Variants in DIAPH3 observed in about 807,000 individuals in gnomAD.
DIAPH3 encodes diaphanous related formin 3.
DIAPH3 carries 117 observed loss-of-function variants against 144.3 expected under a neutral mutation model. The observed-to-expected ratio is 0.81, with a 90% CI of 0.70 to 0.95. The LOEUF is 0.95. Among genes scored for constraint, DIAPH3 ranks in the 40% least tolerant of loss-of-function variants. DIAPH3 has a pLI of 0.00. For missense variants in DIAPH3, 1,421 were observed against 1,412.7 expected (o/e 1.01, Z -0.09); for synonymous variants, 519 against 488.9 (o/e 1.06, Z -0.81).
chr13:60,150,795 G>T (rs563983225), intron 1 of DIAPH3, among the ~76,000 whole-genome samples: 8 of 152,242 alleles, frequency 5.3e-5, no homozygotes, highest in African/African-American at 1.9e-4. Flanking sequence ...GAGGCCAAAG[G>T]TTCTATTATT....
Position 60,016,165 on chromosome 13 carries a change from C to T in DIAPH3, c.627-20G>A, listed in dbSNP as rs2762134. On this transcript the variant is annotated intron_variant, in intron 5 of 27. Transcript: ENST00000400324. ...ACCCAACTGAAAAACAGAAAAAAGA[C>T]AGTTACACATTGTCAGTAACGCAGC... 0.74 allele frequency: 1,194,700 copies of T among 1,610,224 alleles called. 444,410 individuals are homozygous for T. The highest frequency in any genetic ancestry group is 0.81 in the Admixed American group (48,353 of 59,856).
intron 5 of DIAPH3, among the ~76,000 whole-genome samples, chr13:60,040,226 C>CAAA (rs5803983): frequency 0.034 from 1,165 of 34,612 alleles, 195 homozygotes; most frequent in East Asian, 0.099. Context: ...GACTCCATCT[C>CAAA]AAAAAAAAAA....
chr13:59,910,100 C>G (rs1206533734), intron 20 of DIAPH3, among the ~76,000 whole-genome samples: 1 of 151,628 alleles, frequency 6.6e-6, no homozygotes, highest in African/African-American at 2.4e-5. Context: ...TGCATGGTAT[C>G]AGATTTAATG....
At chr13:60,017,404 CAA>C (rs748877735) in intron 5 of DIAPH3, among the ~76,000 whole-genome samples, 4 of 73,768 alleles carry the variant, frequency 5.4e-5, no homozygotes, top group African/African-American at 5.0e-5. Flanking sequence ...AACTCCATCA[CAA>C]AAAAAAAAAA....
intron 4 of DIAPH3, 33 bp downstream of exon 4, chr13:60,093,595 G>T: frequency 1.4e-6 from 2 of 1,391,546 alleles, no homozygotes; most frequent in South Asian, 2.3e-5. Flanking sequence ...AAACATGTTC[G>T]GCAGTATTTT....
intron 17 of DIAPH3, among the ~76,000 whole-genome samples, chr13:59,928,813 T>C (rs2047877129): frequency 6.6e-6 from 1 of 152,166 alleles, no homozygotes; most frequent in South Asian, 2.1e-4. Flanking sequence ...ACATCAGTCC[T>C]TCATCCCCGG....
chr13:59,978,706 A>G (rs1379645256), intron 14 of DIAPH3, among the ~76,000 whole-genome samples: 1 of 151,682 alleles, frequency 6.6e-6, no homozygotes, highest in Non-Finnish European at 1.5e-5. Flanking sequence ...GCCTTGGGGA[A>G]AAAATGAATC....
intron 8 of DIAPH3, among the ~76,000 whole-genome samples, chr13:60,010,241 C>T (rs147714281): frequency 1.3e-5 from 2 of 151,776 alleles, no homozygotes; most frequent in East Asian, 3.9e-4. Context: ...ATTTTCAAAG[C>T]CTCCATTTAG....
At chr13:60,068,121 T>C (rs1259653523) in intron 4 of DIAPH3, among the ~76,000 whole-genome samples, 3 of 152,238 alleles carry the variant, frequency 2.0e-5, no homozygotes, top group African/African-American at 7.2e-5. Flanking sequence ...CACCATCTCC[T>C]TTTGTTTCCA....
chr13:59,890,627 A>C (rs2045730188), intron 20 of DIAPH3, among the ~76,000 whole-genome samples: 1 of 151,876 alleles, frequency 6.6e-6, no homozygotes, highest in Admixed American at 6.6e-5. Context: ...CATGCTGTCC[A>C]CATACTGCTT....
chr13:60,092,249 T>G (rs928236027), intron 4 of DIAPH3, among the ~76,000 whole-genome samples: 1 of 152,070 alleles, frequency 6.6e-6, no homozygotes, highest in African/African-American at 2.4e-5. Flanking sequence ...ACACCAGAGC[T>G]CTGATTCTTA....
In DIAPH3 at chr13:59,879,367, G is replaced by A. The variant is rs1184690547; in HGVS notation, c.2469C>T (p.Val823=). The A allele has an allele frequency of 1.9e-6, 3 of 1,613,836 alleles. No homozygotes were observed. The highest frequency in any genetic ancestry group is 2.5e-6 in the Non-Finnish European group (3 of 1,179,860). Residue 823 remains valine (V), a synonymous_variant, in exon 21 of 28, where the codon GTC becomes GTT. Transcript: ENST00000400324. ...TCTTTATCTCTTCGCAGGCAGTACT[G>A]ACAGCCATGATGTCAGGTTTGATGT... is the stretch of plus-strand genomic sequence containing the variant. ...VNNIKPDIMA[V]STACEEIKKS...
chr13:59,902,117 G>A (rs1461197162), intron 20 of DIAPH3, among the ~76,000 whole-genome samples: 1 of 152,062 alleles, frequency 6.6e-6, no homozygotes, highest in Admixed American at 6.6e-5. Context: ...ACATTATTTT[G>A]ACTGTTAAAC....
chr13:59,689,605 A>T (rs1002263858), intron 27 of DIAPH3, among the ~76,000 whole-genome samples: 2 of 152,042 alleles, frequency 1.3e-5, no homozygotes, highest in African/African-American at 4.8e-5. Flanking sequence ...AGAAACGAGA[A>T]GACTGCTATT....
At chr13:59,805,334 A>C (rs1453048383) in intron 25 of DIAPH3, among the ~76,000 whole-genome samples, 5 of 152,068 alleles carry the variant, frequency 3.3e-5, no homozygotes, top group African/African-American at 9.6e-5. Context: ...ATTTGTGTCC[A>C]TGATTAAGAA....
chr13:60,099,779 T>G (rs1006870092), intron 3 of DIAPH3, among the ~76,000 whole-genome samples: 3 of 152,090 alleles, frequency 2.0e-5, no homozygotes, highest in Admixed American at 6.6e-5. Flanking sequence ...TGACTAGCAC[T>G]AGGAACAGAT....
chr13:59,991,191 T>C lies in DIAPH3; in HGVS notation c.1328A>G (p.His443Arg). Reference sequence around the variant, plus strand: ...ATAATCATTTCGAATCAGCAAAAGATGCTGAAGAATAGAAATAAAATATCC... The same window carrying C: ...ATAATCATTTCGAATCAGCAAAAGACGCTGAAGAATAGAAATAAAATATCC... ...AEGYFISILQHLLLIRNDYFI... is the reference protein window; with the variant it reads ...AEGYFISILQRLLLIRNDYFI... The change falls in exon 12 of 28, where the codon CAT becomes CGT. Residue 443 changes from histidine (H) to arginine (R), a missense_variant. By Grantham distance (29) the His-to-Arg change is conservative. Transcript: ENST00000400324. The C allele has an allele frequency of 6.2e-7, 1 of 1,610,268 alleles. No individual in the cohort carries two copies.
chr13:59,737,309 AAAC>A (rs60994599), intron 27 of DIAPH3, among the ~76,000 whole-genome samples: 99,327 of 151,668 alleles, frequency 0.65, 32,956 homozygotes, highest in East Asian at 0.72. Context: ...AAGAAAAAAT[AAAC>A]AACGCCATTA....
intron 9 of DIAPH3, among the ~76,000 whole-genome samples, chr13:60,005,168 T>A (rs1054091054): frequency 6.6e-6 from 1 of 152,218 alleles, no homozygotes; most frequent in Non-Finnish European, 1.5e-5. Context: ...CAGACGATTA[T>A]GTGGCGATTT....
Sources: allele counts gnomAD v4.1 joint callset (sites outside exome capture counted in the v4.1 genomes callset), GRCh38; gene constraint gnomAD v4.1.1; transcripts MANE v1.5; gene names NCBI Gene and HGNC (gene_info 2026-07-23, HGNC 2026-07-21).